The following MROH9 variants were observed in gnomAD, a reference collection of about 807,000 sequenced individuals.
MROH9 encodes maestro heat-like repeat-containing protein family member 9.
In MROH9, 92 loss-of-function variants were observed where a neutral mutation model predicts 98.2. That is an observed-to-expected ratio of 0.94 (90% CI 0.79 to 1.11). The LOEUF is 1.11. Ranked by LOEUF, MROH9 falls within the 50% of genes most tolerant of loss-of-function variation. The probability of loss-of-function intolerance (pLI) is 0.00; values close to 1 mark genes in which losing one functional copy is unlikely to be tolerated. For synonymous variants in MROH9, 397 were observed against 368.9 expected, an observed-to-expected ratio of 1.08 and a Z score of -0.87; for missense variants, 1,057 against 1,014.8, an observed-to-expected ratio of 1.04 and a Z score of -0.57.
chr1:170,971,812 A>C lies in MROH9; in HGVS notation c.545A>C (p.Glu182Ala), dbSNP rs1316198363. 5.0e-6 allele frequency: 8 copies of C among 1,614,060 alleles called. No individual in the cohort carries two copies. In the African/African-American group the frequency reaches 9.3e-5, roughly 19 times the overall value. ...GAGCTGTCTCTTTTGTGTTCCCATGAAGATCCCTCGATTGTAAAACAAGCA... is the reference window on the plus strand; with the variant it reads ...GAGCTGTCTCTTTTGTGTTCCCATGCAGATCCCTCGATTGTAAAACAAGCA... The part of the protein sequence containing the change: ...AAELSLLCSH[E>A]DPSIVKQASL... Residue 182 changes from glutamate (E) to alanine (A), a missense_variant, in exon 8 of 22, where the codon GAA becomes GCA. Glu to Ala is a moderately radical substitution (Grantham distance 107). Coordinates refer to ENST00000367759, the MANE Select transcript of MROH9 (RefSeq NM_001163629.2).
At chr1:171,050,147 T>C (rs1653618932) in intron 20 of MROH9, among the ~76,000 whole-genome samples, 1 of 152,192 alleles carries the variant, frequency 6.6e-6, no homozygotes, top group Non-Finnish European at 1.5e-5. Flanking sequence ...TTAAGTTCCA[T>C]TTGTCTGCTT....
Position 171,024,431 on chromosome 1 carries a change from T to C in MROH9, c.1945T>C (p.Phe649Leu), listed in dbSNP as rs1338353292. 4.5e-6 allele frequency: 7 copies of C among 1,551,300 alleles called. No individual in the cohort carries two copies. The highest frequency in any genetic ancestry group is 6.1e-6 in the Non-Finnish European group (7 of 1,146,882). ...GGIRSMAIRH[F>L]GQLVRDMRQY... ...CATTCGAAGTATGGCAATTCGACACTTTGGTCAATTAGTTAGGGATATGAG... is the reference window on the plus strand; with the variant it reads ...CATTCGAAGTATGGCAATTCGACACCTTGGTCAATTAGTTAGGGATATGAG... Residue 649 changes from phenylalanine to leucine, a missense_variant, in exon 18 of 22, where the codon TTT (phenylalanine) becomes CTT (leucine). Phe to Leu is a conservative substitution (Grantham distance 22). Transcript: ENST00000367759.
In MROH9 at chr1:170,951,120, T is replaced by C. The variant is rs550956734; in HGVS notation, c.72+3547T>C. 8.5e-5 allele frequency among the ~76,000 whole-genome samples: 13 copies of C among 152,214 alleles called. No individual in the cohort carries two copies. The South Asian group carries it at 2.5e-3, about 29-fold the overall frequency. ...TGACCACACTAAATTTTGATCTAGT[T>C]AGATGTATACACTGTTAGAGAAGTA... is the stretch of plus-strand genomic sequence containing the variant. On this transcript the variant is annotated intron_variant, in intron 3 of 21. Coordinates refer to ENST00000367759, the MANE Select transcript of MROH9 (RefSeq NM_001163629.2).
At chr1:170,978,840 C>G (rs547265606) in intron 8 of MROH9, among the ~76,000 whole-genome samples, 1 of 152,084 alleles carries the variant, frequency 6.6e-6, no homozygotes, top group African/African-American at 2.4e-5. Context: ...GGAATCCAGA[C>G]CAGCCTTTGG....
At chr1:171,050,696 G>C (rs1250827975) in intron 20 of MROH9, among the ~76,000 whole-genome samples, 1 of 152,148 alleles carries the variant, frequency 6.6e-6, no homozygotes, top group African/African-American at 2.4e-5. Context: ...AGGTCTTCCA[G>C]TACTGCATTG....
intron 6 of MROH9, among the ~76,000 whole-genome samples, chr1:170,963,695 A>C (rs1280042596): frequency 1.3e-5 from 2 of 152,168 alleles, no homozygotes; most frequent in African/African-American, 4.8e-5. Flanking sequence ...ATTTGGATGG[A>C]GCTGGAAGCC....
At chr1:170,942,951 A>G (rs1649182170) in intron 1 of MROH9, among the ~76,000 whole-genome samples, 1 of 152,124 alleles carries the variant, frequency 6.6e-6, no homozygotes, top group Non-Finnish European at 1.5e-5. Flanking sequence ...AGTTGGGGAA[A>G]AGTAAAGCCA....
intron 4 of MROH9, 71 bp from the exon 5 acceptor site, chr1:170,959,391 T>C: frequency 7.4e-7 from 1 of 1,355,160 alleles, no homozygotes; most frequent in Non-Finnish European, 9.9e-7. Flanking sequence ...AATAAATAAA[T>C]AAATAAAGCC....
intron 20 of MROH9, among the ~76,000 whole-genome samples, chr1:171,029,246 C>G (rs1195512358): frequency 1.3e-5 from 2 of 151,468 alleles, no homozygotes; most frequent in East Asian, 3.9e-4. Flanking sequence ...GGAGTCTGCT[C>G]GTTGCCCAGG....
intron 20 of MROH9, among the ~76,000 whole-genome samples, chr1:171,030,185 T>C (rs1450370512): frequency 6.6e-6 from 1 of 152,202 alleles, no homozygotes; most frequent in Non-Finnish European, 1.5e-5. Flanking sequence ...TCTTCTTTTT[T>C]TTCTACATTA....
At chr1:171,027,132 T>C (rs138373431) in intron 20 of MROH9, among the ~76,000 whole-genome samples, 2,913 of 152,222 alleles carry the variant, frequency 0.019, 65 homozygotes, top group African/African-American at 0.057. Flanking sequence ...ACATGCAGGT[T>C]TGTTACATAG....
intron 20 of MROH9, among the ~76,000 whole-genome samples, chr1:171,051,507 A>G (rs1214666615): frequency 6.6e-6 from 1 of 152,210 alleles, no homozygotes; most frequent in Non-Finnish European, 1.5e-5. Context: ...AAAACATCAC[A>G]TATTCTCACT....
intron 14 of MROH9, 78 bp downstream of exon 14, chr1:170,996,722 A>T: frequency 3.6e-6 from 5 of 1,405,772 alleles, no homozygotes; most frequent in Non-Finnish European, 4.9e-6. Flanking sequence ...GCCATGCGGG[A>T]ACAAGATAGG....
chr1:171,043,894 A>G (rs1422153496), intron 20 of MROH9, among the ~76,000 whole-genome samples: 2 of 152,158 alleles, frequency 1.3e-5, no homozygotes, highest in Non-Finnish European at 2.9e-5. Flanking sequence ...TTCCAAATAT[A>G]AGATCATATT....
intron 21 of MROH9, among the ~76,000 whole-genome samples, chr1:171,063,681 A>T (rs1031312064): frequency 6.6e-6 from 1 of 152,234 alleles, no homozygotes; most frequent in African/African-American, 2.4e-5. Context: ...GGCCTACATT[A>T]TGTTAATATG....
intron 15 of MROH9, among the ~76,000 whole-genome samples, 184 bp from the exon 16 acceptor site, chr1:171,013,933 C>A (rs569427233): frequency 4.0e-4 from 61 of 150,812 alleles, no homozygotes; most frequent in African/African-American, 1.5e-3. Context: ...AAAAACGAAA[C>A]AAAGCATCTA....
chr1:171,025,325 C>A lies in MROH9; in HGVS notation c.2186C>A (p.Ser729Tyr). 1 of 1,540,418 alleles carries A rather than the reference C, an allele frequency of 6.5e-7. No homozygotes were observed. Among genetic ancestry groups the A allele is most frequent in the South Asian group, 1.2e-5 (1 of 83,760 alleles). The part of the protein sequence containing the change: ...VLNICNNLII[S>Y]HRNYITDLTS... ...TTCCCTTTTTATTCTCAGATTATTT[C>A]TCATAGGAACTACATTACAGATTTG... The change falls in exon 20 of 22, where the codon TCT (serine) becomes TAT (tyrosine). Residue 729 changes from serine (S) to tyrosine (Y), a missense_variant. By Grantham distance (144) the Ser-to-Tyr change is moderately radical (BLOSUM62 -2). Transcript: ENST00000367759.
At chr1:171,021,133 A>G (rs1463879129) in intron 17 of MROH9, among the ~76,000 whole-genome samples, 2 of 152,236 alleles carry the variant, frequency 1.3e-5, no homozygotes, top group Non-Finnish European at 2.9e-5. Flanking sequence ...ATGGAAAAAC[A>G]TTCAATCCTC....
intron 3 of MROH9, among the ~76,000 whole-genome samples, chr1:170,957,275 T>C (rs186483407): frequency 2.3e-4 from 35 of 152,302 alleles, no homozygotes; most frequent in African/African-American, 8.2e-4. Flanking sequence ...TCTTTCCCTA[T>C]GTTTTCTTCT....
Sources: gnomAD v4.1 joint callset for allele counts (sites outside exome capture counted in the v4.1 genomes callset) on GRCh38, gnomAD v4.1.1 for gene constraint, MANE v1.5 for transcripts, NCBI Gene and HGNC (gene_info 2026-07-23, HGNC 2026-07-21) for gene names.